The following LAMA2 variants were observed in gnomAD, a reference collection of about 807,000 sequenced individuals.
LAMA2 encodes laminin subunit alpha 2, also known as laminin subunit alpha-2.
In LAMA2, 269 loss-of-function variants were observed where a neutral mutation model predicts 364.8. The observed-to-expected ratio is 0.74, with a 90% CI of 0.67 to 0.82. The LOEUF (loss-of-function observed/expected upper bound fraction) is 0.82, where lower values mean the gene tolerates loss of function less well. Among genes scored for constraint, LAMA2 ranks in the 40% least tolerant of loss-of-function variants. The probability of loss-of-function intolerance (pLI) is 0.00; values close to 1 mark genes in which losing one functional copy is unlikely to be tolerated. For synonymous variants in LAMA2, 1,379 were observed against 1,370.6 expected (o/e 1.01, Z -0.14); for missense variants, 3,807 against 3,873.2 (o/e 0.98, Z 0.45).
intron 4 of LAMA2, among the ~76,000 whole-genome samples, chr6:129,122,706 C>T (rs781290544): frequency 5.3e-5 from 8 of 152,038 alleles, no homozygotes; most frequent in Non-Finnish European, 1.2e-4. Flanking sequence ...TGATATACTC[C>T]GGTTCCCCCA....
At chr6:129,045,655 T>C (rs1386479793) in intron 1 of LAMA2, among the ~76,000 whole-genome samples, 3 of 152,242 alleles carry the variant, frequency 2.0e-5, no homozygotes, top group Non-Finnish European at 4.4e-5. Context: ...TGTAGCTGTA[T>C]GCTTTTGCTC....
chr6:129,410,714 TTAGATAGATAGATAGATAGATAGA>T (rs36203052), intron 40 of LAMA2, among the ~76,000 whole-genome samples: 62 of 150,412 alleles, frequency 4.1e-4, no homozygotes, highest in African/African-American at 1.1e-3. Flanking sequence ...GATAGACAGA[TTAGATAGATAGATAGATAGATAGA>T]TAGATAGATA....
chr6:129,502,158 A>G (rs985023717), intron 58 of LAMA2, among the ~76,000 whole-genome samples: 3 of 152,212 alleles, frequency 2.0e-5, no homozygotes, highest in African/African-American at 7.2e-5. Context: ...TAGATACACC[A>G]TCTTGAAAGT....
intron 1 of LAMA2, among the ~76,000 whole-genome samples, chr6:129,044,741 A>G (rs1027530936): frequency 7.2e-5 from 11 of 152,112 alleles, no homozygotes; most frequent in African/African-American, 2.7e-4. Context: ...AAAAATGTCA[A>G]TCATAGTTGT....
intron 33 of LAMA2, among the ~76,000 whole-genome samples, chr6:129,369,364 G>A (rs1288530484): frequency 6.6e-6 from 1 of 152,102 alleles, no homozygotes; most frequent in Admixed American, 6.5e-5. Context: ...AAAAAATATG[G>A]CCCTGCTGTT....
chr6:129,088,906 C>T (rs944978639), intron 3 of LAMA2, among the ~76,000 whole-genome samples: 15 of 151,774 alleles, frequency 9.9e-5, no homozygotes, highest in African/African-American at 2.7e-4. Flanking sequence ...ACTTCCCAGA[C>T]GGGGTGGCGG....
intron 12 of LAMA2, among the ~76,000 whole-genome samples, chr6:129,232,956 C>T (rs1784760808): frequency 6.6e-6 from 1 of 152,076 alleles, no homozygotes; most frequent in Admixed American, 6.6e-5. Context: ...TGAATGACCT[C>T]TAGAACCTGG....
At chr6:129,164,130 C>A (rs1779600047) in intron 8 of LAMA2, among the ~76,000 whole-genome samples, 3 of 152,144 alleles carry the variant, frequency 2.0e-5, no homozygotes, top group East Asian at 1.9e-4. Flanking sequence ...CCAGTTGATA[C>A]CTGAAATCAC....
intron 1 of LAMA2, among the ~76,000 whole-genome samples, chr6:129,023,994 T>C (rs1785629014): frequency 6.6e-6 from 1 of 152,184 alleles, no homozygotes; most frequent in South Asian, 2.1e-4. Context: ...TGAATGCTCC[T>C]AAGCTAGATG....
At chr6:129,257,105 CT>C (rs1786749402) in intron 14 of LAMA2, among the ~76,000 whole-genome samples, 1 of 151,784 alleles carries the variant, frequency 6.6e-6, no homozygotes. Flanking sequence ...GTTGACAATT[CT>C]TTGATAGCTC....
intron 12 of LAMA2, among the ~76,000 whole-genome samples, chr6:129,218,292 C>T (rs982773654): frequency 6.6e-6 from 1 of 152,120 alleles, no homozygotes; most frequent in Non-Finnish European, 1.5e-5. Context: ...GCATTTTACT[C>T]ATCTTGTAGT....
intron 12 of LAMA2, among the ~76,000 whole-genome samples, chr6:129,246,910 A>G (rs192306621): frequency 9.8e-4 from 149 of 152,272 alleles, no homozygotes; most frequent in African/African-American, 3.2e-3. Flanking sequence ...TTCCCTGAAT[A>G]ATAGCATCCT....
chr6:128,911,465 C>T (rs553224277), intron 1 of LAMA2, among the ~76,000 whole-genome samples: 4 of 152,266 alleles, frequency 2.6e-5, no homozygotes, highest in African/African-American at 9.6e-5. Flanking sequence ...TTGCGCTTCC[C>T]GAGTGAGGCA....
intron 9 of LAMA2, among the ~76,000 whole-genome samples, chr6:129,167,277 C>A (rs552960856): frequency 6.0e-5 from 9 of 151,070 alleles, no homozygotes; most frequent in African/African-American, 2.2e-4. Flanking sequence ...CGTCATCTAG[C>A]ATTAGGTATA....
intron 1 of LAMA2, among the ~76,000 whole-genome samples, chr6:128,965,012 G>A (rs68083303): frequency 0.22 from 33,137 of 151,832 alleles, 5,403 homozygotes; most frequent in African/African-American, 0.46. Flanking sequence ...TCAAGAGTCT[G>A]TAAGAGGAGT....
intron 1 of LAMA2, among the ~76,000 whole-genome samples, chr6:128,984,199 C>G (rs988427159): frequency 1.3e-5 from 2 of 152,082 alleles, no homozygotes; most frequent in African/African-American, 2.4e-5. Context: ...GCCACCACAT[C>G]TTTTTGTGTT....
rs755096239 is a variant in LAMA2, at chr6:129,297,773, G to C, written c.2945G>C (p.Ser982Thr). ...TCTAAGTCATTCGACTGTGAAGAGA[G>C]TGGACAATGTTGGTGCCAACCTGGA... ...FGSKSFDCEE[S>T]GQCWCQPGVT... Residue 982 changes from serine (S) to threonine (T), a missense_variant, in exon 21 of 65, where the codon AGT becomes ACT. Around this residue, in one of 3 missense-constraint regions of LAMA2, gnomAD observed 3,333 missense variants for 3,345.7 expected, o/e 1.00. Coordinates refer to ENST00000421865, the MANE Select transcript of LAMA2 (RefSeq NM_000426.4). The C allele has an allele frequency of 6.2e-6, 10 of 1,614,032 alleles. No homozygotes were observed. In the Admixed American group the frequency reaches 1.7e-4, roughly 27 times the overall value.
chr6:128,917,706 T>TTTTTC lies in LAMA2; in HGVS notation c.112+34352_112+34353insTCTTT, dbSNP rs1554322937. 2.4e-3 allele frequency among the ~76,000 whole-genome samples: 240 copies of TTTTTC among 98,384 alleles called. 1 individual carries two copies. The highest frequency in any genetic ancestry group is 5.9e-3 in the South Asian group (16 of 2,700). 64.5% of individuals were successfully genotyped at this position (98,384 alleles called of 152,430 possible). ...CTATTATCTGTCCTTTTTCTTTTTT[T>TTTTTC]TTTCTTTCTTTCTTTCTTTCTTTCT... On this transcript the variant is annotated intron_variant, in intron 1 of 64. Coordinates refer to ENST00000421865, the MANE Select transcript of LAMA2 (RefSeq NM_000426.4).
chr6:128,995,742 T>G (rs1783896720), intron 1 of LAMA2, among the ~76,000 whole-genome samples: 1 of 152,240 alleles, frequency 6.6e-6, no homozygotes, highest in African/African-American at 2.4e-5. Context: ...TAATTTTTTA[T>G]GTTGTTAAAA....
Sources: allele counts gnomAD v4.1 joint callset (sites outside exome capture counted in the v4.1 genomes callset), GRCh38; gene constraint gnomAD v4.1.1; regional missense constraint gnomAD v4.1.1; transcripts MANE v1.5; gene names NCBI Gene and HGNC (gene_info 2026-07-23, HGNC 2026-07-21).